The following SMURF1 variants were observed in gnomAD, a reference collection of about 807,000 sequenced individuals.
SMURF1 encodes SMAD specific E3 ubiquitin protein ligase 1, also known as E3 ubiquitin-protein ligase SMURF1.
Under a neutral mutation model 98.0 loss-of-function variants are expected in SMURF1, and 44 were observed. The observed-to-expected ratio is 0.45, with a 90% CI of 0.35 to 0.58. SMURF1 has a LOEUF of 0.58. Ranked by LOEUF, SMURF1 falls within the 20% of genes least tolerant of loss-of-function variation. The pLI, the probability that SMURF1 is intolerant of heterozygous loss-of-function variation, is 0.00. For missense variants in SMURF1, 687 were observed against 938.4 expected (o/e 0.73, Z 3.50); for synonymous variants, 396 against 374.9 (o/e 1.06, Z -0.65).
intron 1 of SMURF1, among the ~76,000 whole-genome samples, chr7:99,101,023 A>T (rs1215731074): frequency 2.0e-5 from 3 of 152,226 alleles, no homozygotes; most frequent in Admixed American, 2.0e-4. Flanking sequence ...AATGCATTCG[A>T]TAAGTTTTCC....
chr7:99,069,999 G>T (rs150187509), intron 1 of SMURF1, among the ~76,000 whole-genome samples: 10 of 152,320 alleles, frequency 6.6e-5, no homozygotes, highest in African/African-American at 1.7e-4. Flanking sequence ...CAGATCTCTG[G>T]TAAAGTGACA....
In SMURF1 at chr7:99,047,862, T is replaced by C; in HGVS notation, c.974A>G (p.Glu325Gly). 6.2e-7 allele frequency: 1 copy of C among 1,613,952 alleles called. No homozygotes were observed. The highest frequency in any genetic ancestry group is 8.5e-7 in the Non-Finnish European group (1 of 1,180,028). The change falls in exon 10 of 18, where the codon GAG becomes GGG. Residue 325 changes from glutamate (E) to glycine (G), a missense_variant. Glu to Gly is a moderately conservative substitution (Grantham distance 98). Coordinates refer to ENST00000361368, the MANE Select transcript of SMURF1 (RefSeq NM_181349.3). Reference sequence around the variant, plus strand: ...GGGCAGTGGCAGCGGCTGGCTGGGCTCCTTGAGTTGGCACTGGTGACTTGA... The same window carrying C: ...GGGCAGTGGCAGCGGCTGGCTGGGCCCCTTGAGTTGGCACTGGTGACTTGA... ...HIMNHQCQLK[E>G]PSQPLPLPSE...
At chr7:99,065,839 A>C (rs1352670064) in intron 1 of SMURF1, among the ~76,000 whole-genome samples, 1 of 152,154 alleles carries the variant, frequency 6.6e-6, no homozygotes, top group East Asian at 1.9e-4. Flanking sequence ...CGAGGTCAAG[A>C]GATCGAGACC....
chr7:99,035,852 G>GAGAC, intron 15 of SMURF1, 136 bp from the exon 16 acceptor site: 1 of 805,092 alleles, frequency 1.2e-6, no homozygotes, highest in Non-Finnish European at 2.0e-6. Flanking sequence ...GGCAGATGTT[G>GAGAC]AGACAGGAAG....
intron 1 of SMURF1, among the ~76,000 whole-genome samples, chr7:99,132,664 A>C (rs183706847): frequency 1.1e-4 from 16 of 151,470 alleles, no homozygotes; most frequent in Admixed American, 8.5e-4. Context: ...TGAGAAGTCA[A>C]GAGGAAGAGT....
At chr7:99,131,280 A>T (rs1384479899) in intron 1 of SMURF1, among the ~76,000 whole-genome samples, 2 of 152,210 alleles carry the variant, frequency 1.3e-5, no homozygotes, top group East Asian at 1.9e-4. Flanking sequence ...AGACAGAATT[A>T]AAAATGTGGA....
intron 1 of SMURF1, among the ~76,000 whole-genome samples, chr7:99,079,300 A>C (rs1257563602): frequency 6.6e-6 from 1 of 152,194 alleles, no homozygotes; most frequent in East Asian, 1.9e-4. Flanking sequence ...TCTGGGACAC[A>C]GGGCCATGTT....
chr7:99,052,288 C>T lies in SMURF1; in HGVS notation c.638G>A (p.Arg213Gln), dbSNP rs754104173. 6.8e-6 allele frequency: 11 copies of T among 1,612,116 alleles called. No homozygotes were observed. The highest frequency in any genetic ancestry group is 1.3e-5 in the African/African-American group (1 of 74,926). Residue 213 changes from arginine (R) to glutamine (Q), a missense_variant, in exon 7 of 18, where the codon CGA becomes CAA. By Grantham distance (43) the Arg-to-Gln change is conservative. This residue lies in a region of SMURF1 where 415 missense variants were observed against 508.4 expected (regional missense o/e 0.82). Coordinates refer to ENST00000361368, the MANE Select transcript of SMURF1 (RefSeq NM_181349.3). Reference protein sequence around the residue: ...QDQRLQAQRLRNPDVRGSLQT... With the variant: ...QDQRLQAQRLQNPDVRGSLQT... Reference sequence around the variant, plus strand: ...TAGTGAACCTCGCACATCAGGGTTTCGAAGCCGCTGTGCCTGAAGTCTTTG... The same window carrying T: ...TAGTGAACCTCGCACATCAGGGTTTTGAAGCCGCTGTGCCTGAAGTCTTTG...
chr7:99,142,458 G>T (rs1429836558), intron 1 of SMURF1, among the ~76,000 whole-genome samples: 1 of 151,728 alleles, frequency 6.6e-6, no homozygotes, highest in African/African-American at 2.4e-5. Context: ...CTGGACCAGG[G>T]GGAAGTGAAG....
Position 99,047,556 on chromosome 7 carries a change from C to G in SMURF1, c.1152+128G>C, listed in dbSNP as rs950080190. On this transcript the variant is annotated intron_variant, in intron 10 of 17. Transcript: ENST00000361368. The stretch of plus-strand genomic sequence containing the variant: ...AAACAGAAAGAAGGGTTCCCTGAAA[C>G]GCAGACATCACCCACAAAGCAGTTC... The G allele has an allele frequency of 5.4e-6, 5 of 928,768 alleles. No homozygotes were observed. The Admixed American group carries it at 7.8e-5, about 15-fold the overall frequency. The allele number at this position is 928,768 out of a possible 1,614,324, so 57.5% of individuals were successfully genotyped here.
intron 1 of SMURF1, among the ~76,000 whole-genome samples, chr7:99,104,747 G>C (rs183086398): frequency 1.4e-4 from 21 of 152,280 alleles, no homozygotes; most frequent in Non-Finnish European, 1.0e-4. Context: ...CCAATTTTCT[G>C]CTATTATACA....
At chr7:99,063,304 TAAA>T in intron 1 of SMURF1, among the ~76,000 whole-genome samples, 1 of 28,408 alleles carries the variant, frequency 3.5e-5, no homozygotes, top group South Asian at 1.2e-3. Context: ...TATATATATA[TAAA>T]AAGAGACAGG....
intron 1 of SMURF1, among the ~76,000 whole-genome samples, chr7:99,110,424 G>T (rs553233947): frequency 6.6e-6 from 1 of 152,234 alleles, no homozygotes; most frequent in Non-Finnish European, 1.5e-5. Context: ...TCTTGGGGAA[G>T]AATCAGGGAA....
At chr7:99,121,349 C>T (rs1174976302) in intron 1 of SMURF1, 1 of 151,856 alleles carries the variant, frequency 6.6e-6, no homozygotes, top group Non-Finnish European at 1.5e-5. Context: ...AAAAGCTAAT[C>T]TTACCCAATG....
intron 6 of SMURF1, 78 bp downstream of exon 6, chr7:99,054,712 G>C (rs1173000203): frequency 2.4e-6 from 3 of 1,231,460 alleles, no homozygotes; most frequent in African/African-American, 3.0e-5. Flanking sequence ...GACTTAAGGA[G>C]GGAAGGGCGC....
At chr7:99,127,498 C>T (rs920061779) in intron 1 of SMURF1, among the ~76,000 whole-genome samples, 4 of 151,742 alleles carry the variant, frequency 2.6e-5, no homozygotes, top group Admixed American at 1.3e-4. Context: ...TCAAAACCAG[C>T]CTGGTCAACA....
intron 1 of SMURF1, among the ~76,000 whole-genome samples, chr7:99,139,288 C>T (rs1444336552): frequency 6.6e-6 from 1 of 152,186 alleles, no homozygotes; most frequent in Non-Finnish European, 1.5e-5. Context: ...TTAAAAACAA[C>T]CTCATATTTC....
chr7:99,143,620 G>C, intron 1 of SMURF1, 106 bp downstream of exon 1: 1 of 959,140 alleles, frequency 1.0e-6, no homozygotes, highest in Non-Finnish European at 1.5e-6. Context: ...GAGGTCCTGG[G>C]ACAACGGCCG....
chr7:99,032,939 G>C, intron 17 of SMURF1, 98 bp downstream of exon 17: 1 of 1,304,452 alleles, frequency 7.7e-7, no homozygotes, highest in Non-Finnish European at 1.1e-6. Flanking sequence ...TATTTTGGCA[G>C]AGACTCCATC....
Sources: allele counts gnomAD v4.1 joint callset (sites outside exome capture counted in the v4.1 genomes callset), GRCh38; gene constraint gnomAD v4.1.1; regional missense constraint gnomAD v4.1.1; transcripts MANE v1.5; gene names NCBI Gene and HGNC (gene_info 2026-07-23, HGNC 2026-07-21).